STK33: variants seen among roughly 807,000 people sequenced by gnomAD.
STK33 encodes serine/threonine-protein kinase 33.
A neutral mutation model predicts 58.0 loss-of-function variants in STK33; 52 were observed. That is an observed-to-expected ratio of 0.90 (90% CI 0.72 to 1.13). The LOEUF (loss-of-function observed/expected upper bound fraction) is 1.13, where lower values mean the gene tolerates loss of function less well. Among genes scored for constraint, STK33 ranks in the 50% most tolerant of loss-of-function variants. The pLI, the probability that STK33 is intolerant of heterozygous loss-of-function variation, is 0.00. For missense variants in STK33, 630 were observed against 604.2 expected (o/e 1.04, Z -0.45); for synonymous variants, 215 against 200.1 (o/e 1.07, Z -0.63).
intron 2 of STK33, among the ~76,000 whole-genome samples, chr11:8,477,882 T>C (rs570389235): frequency 1.4e-4 from 21 of 152,310 alleles, no homozygotes; most frequent in Non-Finnish European, 4.4e-5. Flanking sequence ...TATTACTCAC[T>C]GAGAAGTTTC....
chr11:8,375,459 C>T, the STK33 span, among the ~76,000 whole-genome samples: 1 of 152,180 alleles, frequency 6.6e-6, no homozygotes, highest in South Asian at 2.1e-4. Flanking sequence ...ATTTAAGTAA[C>T]TGGCCATATA....
At chr11:8,520,651 G>A (rs1243416828) in intron 1 of STK33, among the ~76,000 whole-genome samples, 1 of 152,172 alleles carries the variant, frequency 6.6e-6, no homozygotes, top group Non-Finnish European at 1.5e-5. Context: ...CAAAGTCTCA[G>A]TATACAAAAT....
the STK33 span, among the ~76,000 whole-genome samples, chr11:8,367,219 G>A: frequency 0.049 from 7,457 of 152,278 alleles, 248 homozygotes; most frequent in Non-Finnish European, 0.07. Context: ...ATATCTGTGC[G>A]CACTATGCAT....
intron 14 of STK33, among the ~76,000 whole-genome samples, chr11:8,423,159 T>C (rs1247470390): frequency 6.6e-6 from 1 of 151,300 alleles, no homozygotes; most frequent in Non-Finnish European, 1.5e-5. Context: ...TGTTTCTTTC[T>C]TAATTTCACC....
At chr11:8,463,628 G>A (rs1947834836) in intron 7 of STK33, among the ~76,000 whole-genome samples, 1 of 152,096 alleles carries the variant, frequency 6.6e-6, no homozygotes, top group Admixed American at 6.6e-5. Flanking sequence ...TCTCAATTCT[G>A]TTTCTCACCC....
At chr11:8,546,267 C>T (rs898345309) in intron 1 of STK33, among the ~76,000 whole-genome samples, 2 of 152,082 alleles carry the variant, frequency 1.3e-5, no homozygotes, top group Admixed American at 1.3e-4. Context: ...ATTTTTAAAA[C>T]TTTTTCTTTC....
intron 7 of STK33, 28 bp downstream of exon 7, chr11:8,464,681 T>C (rs752531871): frequency 2.6e-6 from 4 of 1,531,004 alleles, no homozygotes; most frequent in Non-Finnish European, 3.6e-6. Context: ...CACTGTGCCC[T>C]CAGTAGGATG....
chr11:8,380,583 G>C, the STK33 span, among the ~76,000 whole-genome samples: 34,300 of 150,356 alleles, frequency 0.23, 4,207 homozygotes, highest in South Asian at 0.36. Flanking sequence ...AAAAATGGCT[G>C]TTATTAAAAA....
At chr11:8,554,415 T>C (rs984337415) in intron 1 of STK33, among the ~76,000 whole-genome samples, 3 of 108,242 alleles carry the variant, frequency 2.8e-5, no homozygotes, top group African/African-American at 7.9e-5. Context: ...TGAGACTCCA[T>C]CTCAAAAAAA....
chr11:8,390,370 C>G (rs1422908250), downstream of STK33, among the ~76,000 whole-genome samples: 4 of 152,202 alleles, frequency 2.6e-5, no homozygotes, highest in Non-Finnish European at 4.4e-5. Context: ...GTTATTGGTG[C>G]CTTCGAGTTG....
At chr11:8,454,686 T>C in intron 10 of STK33, 58 bp downstream of exon 10, 8 of 1,507,796 alleles carry the variant, frequency 5.3e-6, no homozygotes, top group African/African-American at 1.4e-5. Flanking sequence ...GGATGTACTT[T>C]GCCACTTTGC....
the STK33 span, among the ~76,000 whole-genome samples, chr11:8,339,644 G>A: frequency 6.6e-6 from 1 of 152,128 alleles, no homozygotes; most frequent in Non-Finnish European, 1.5e-5. Context: ...GGGCTGACCC[G>A]TGCACAGCCA....
At chr11:8,358,301 G>GA in the STK33 span, among the ~76,000 whole-genome samples, 3 of 152,194 alleles carry the variant, frequency 2.0e-5, no homozygotes, top group Admixed American at 6.5e-5. Context: ...CTGAGCTCTA[G>GA]AAATGAGCTG....
the STK33 span, among the ~76,000 whole-genome samples, chr11:8,370,792 T>A: frequency 1.3e-5 from 2 of 152,162 alleles, no homozygotes; most frequent in Non-Finnish European, 2.9e-5. Context: ...TAGGCTCTCT[T>A]GTCAGGAGGA....
At chr11:8,495,161 C>T (rs1302267613) in intron 1 of STK33, among the ~76,000 whole-genome samples, 2 of 152,040 alleles carry the variant, frequency 1.3e-5, no homozygotes, top group African/African-American at 4.8e-5. Context: ...AACAGGCAAC[C>T]TACAGAATGG....
intron 1 of STK33, chr11:8,567,420 T>C (rs1170582097): frequency 6.6e-6 from 1 of 152,212 alleles, no homozygotes; most frequent in African/African-American, 2.4e-5. Context: ...TTATTAGTTA[T>C]TACTATTTGT....
chr11:8,540,689 A>C (rs1276241577), intron 1 of STK33, among the ~76,000 whole-genome samples: 1 of 152,130 alleles, frequency 6.6e-6, no homozygotes, highest in Non-Finnish European at 1.5e-5. Context: ...ATTTAAAAAG[A>C]AAAGAGTTCA....
chr11:8,429,435 T>C (rs1039800131), intron 14 of STK33, among the ~76,000 whole-genome samples: 4 of 152,194 alleles, frequency 2.6e-5, no homozygotes, highest in Non-Finnish European at 5.9e-5. Context: ...TCTCACACCA[T>C]TTTCCTAGTC....
the STK33 span, among the ~76,000 whole-genome samples, chr11:8,336,872 C>T: frequency 2.0e-5 from 3 of 152,330 alleles, no homozygotes; most frequent in East Asian, 3.9e-4. Flanking sequence ...CAGGCTGCCT[C>T]TTGCCCACAC....
Sources: allele counts gnomAD v4.1 joint callset (sites outside exome capture counted in the v4.1 genomes callset), GRCh38; gene constraint gnomAD v4.1.1; transcripts MANE v1.5; gene names NCBI Gene and HGNC (gene_info 2026-07-23, HGNC 2026-07-21).